The following TGS1 variants were observed in gnomAD, a reference collection of about 807,000 sequenced individuals.
TGS1 encodes the protein trimethylguanosine synthase.
Under a neutral mutation model 92.2 loss-of-function variants are expected in TGS1, and 69 were observed. The ratio of observed to expected loss-of-function variants is 0.75; its 90% CI spans 0.62 to 0.91. The LOEUF (loss-of-function observed/expected upper bound fraction) is 0.91. Ranked by LOEUF, TGS1 falls within the 40% of genes least tolerant of loss-of-function variation. The probability of loss-of-function intolerance (pLI) is 0.00; values close to 1 mark genes in which losing one functional copy is unlikely to be tolerated. For synonymous variants in TGS1, 345 were observed against 338.1 expected (o/e 1.02, Z -0.22); for missense variants, 1,062 against 1,001.2 (o/e 1.06, Z -0.82).
rs1812043946 is a variant in TGS1, at chr8:55,796,159, A to G, written c.1542+7A>G. On this transcript the variant is annotated splice_region_variant and intron_variant, in intron 7 of 12. Coordinates refer to ENST00000260129, the MANE Select transcript of TGS1 (RefSeq NM_024831.8). ...AAGCAAAATTCTGAGTAAGGTATGT[A>G]TAAATTTTGTTGCATATTTGTAGAT... is the stretch of plus-strand genomic sequence containing the variant. 11 of 1,594,366 alleles carry G rather than the reference A, an allele frequency of 6.9e-6. No individual in the cohort carries two copies. Among genetic ancestry groups the G allele is most frequent in the African/African-American group, 1.3e-5 (1 of 74,188 alleles).
At chr8:55,788,837 A>C (rs1055524132) in intron 4 of TGS1, among the ~76,000 whole-genome samples, 1 of 151,956 alleles carries the variant, frequency 6.6e-6, no homozygotes, top group South Asian at 2.1e-4. Context: ...ACATATTTTG[A>C]CCATAAAGTT....
chr8:55,792,643 A>G, intron 5 of TGS1, 55 bp from the exon 6 acceptor site: 1 of 1,242,248 alleles, frequency 8.0e-7, no homozygotes. Context: ...TATTTATCTG[A>G]ACTAGTGGGC....
At chr8:55,785,058 G>GTTTTTTTTTTTT (rs1262385274) in intron 2 of TGS1, among the ~76,000 whole-genome samples, 5 of 143,584 alleles carry the variant, frequency 3.5e-5, no homozygotes, top group African/African-American at 1.1e-4. Flanking sequence ...GGTGTTTTTT[G>GTTTTTTTTTTTT]TTTTTTGTTT....
intron 12 of TGS1, among the ~76,000 whole-genome samples, chr8:55,816,052 C>G (rs1010327235): frequency 1.3e-5 from 2 of 152,016 alleles, no homozygotes; most frequent in Non-Finnish European, 1.5e-5. Context: ...TTCCTGGGCT[C>G]AAGTGATCCT....
In TGS1 at chr8:55,792,739, A is replaced by T; in HGVS notation, c.1322A>T (p.Asp441Val). The T allele has an allele frequency of 1.9e-6, 3 of 1,613,996 alleles. No individual in the cohort carries two copies. Among genetic ancestry groups the T allele is most frequent in the Non-Finnish European group, 2.5e-6 (3 of 1,179,892 alleles). ...DIDENPASDF[D>V]DSGSLLGFKY... ...GATGAAAACCCAGCTTCAGACTTTG[A>T]TGACAGTGGTTCCCTTCTAGGATTC... Residue 441 changes from aspartate to valine, a missense_variant, in exon 6 of 13, where the codon GAT (aspartate) becomes GTT (valine). Asp to Val is a radical substitution (Grantham distance 152, BLOSUM62 -3). Coordinates refer to ENST00000260129, the MANE Select transcript of TGS1 (RefSeq NM_024831.8).
chr8:55,798,505 T>A (rs923529307), intron 7 of TGS1, among the ~76,000 whole-genome samples: 1 of 152,220 alleles, frequency 6.6e-6, no homozygotes, highest in South Asian at 2.1e-4. Context: ...AGATTGTAGC[T>A]TGACCATTGC....
intron 6 of TGS1, 103 bp from the exon 7 acceptor site, chr8:55,795,875 A>G: frequency 3.6e-6 from 3 of 844,414 alleles, no homozygotes; most frequent in South Asian, 3.3e-5. Flanking sequence ...GGGAATTAAA[A>G]TGGTGTAAAA....
At chr8:55,812,767 A>G (rs1228239781) in intron 11 of TGS1, among the ~76,000 whole-genome samples, 2 of 152,054 alleles carry the variant, frequency 1.3e-5, no homozygotes, top group African/African-American at 4.8e-5. Flanking sequence ...GTAGACTGCA[A>G]TGGCCATGGT....
At chr8:55,792,652 G>A in intron 5 of TGS1, 46 bp from the exon 6 acceptor site, 1 of 1,324,924 alleles carries the variant, frequency 7.5e-7, no homozygotes, top group Non-Finnish European at 1.1e-6. Context: ...GAACTAGTGG[G>A]CTCTGGTGGT....
chr8:55,794,876 G>T (rs1811996259), intron 6 of TGS1, among the ~76,000 whole-genome samples: 1 of 152,160 alleles, frequency 6.6e-6, no homozygotes, highest in Admixed American at 6.5e-5. Context: ...TGTTTCATAA[G>T]TTGTGAAATT....
At chr8:55,806,201 C>T (rs1381914997) in intron 10 of TGS1, among the ~76,000 whole-genome samples, 4 of 148,996 alleles carry the variant, frequency 2.7e-5, no homozygotes, top group South Asian at 2.1e-4. Context: ...CCTAAAAATA[C>T]AAAAATTAGC....
At chr8:55,784,101 C>A (rs575960718) in intron 2 of TGS1, among the ~76,000 whole-genome samples, 3 of 152,148 alleles carry the variant, frequency 2.0e-5, no homozygotes, top group Non-Finnish European at 4.4e-5. Flanking sequence ...ATTTACTGTT[C>A]TGTTGCCTGA....
chr8:55,786,545 A>G lies in TGS1; in HGVS notation c.647A>G (p.Glu216Gly), dbSNP rs1420892840. ...GGACTATTGTGGCAAAGTTGGCAAG[A>G]AAAACATCCGGGTCAAGCACTATCT... ...GGGLLWQSWQ[E>G]KHPGQALSSE... Residue 216 changes from glutamate (E) to glycine (G), a missense_variant, in exon 4 of 13, where the codon GAA becomes GGA. By Grantham distance (98) the Glu-to-Gly change is moderately conservative (BLOSUM62 -2). Coordinates refer to ENST00000260129, the MANE Select transcript of TGS1 (RefSeq NM_024831.8). 1 of 1,614,228 alleles carries G rather than the reference A, an allele frequency of 6.2e-7. No homozygotes were observed.
chr8:55,806,989 G>A (rs544132262), intron 10 of TGS1, among the ~76,000 whole-genome samples: 31 of 150,700 alleles, frequency 2.1e-4, no homozygotes, highest in South Asian at 2.1e-4. Context: ...GTGCAGTGGC[G>A]CGGATCTCGG....
intron 10 of TGS1, among the ~76,000 whole-genome samples, chr8:55,809,797 G>T (rs76906806): frequency 6.6e-6 from 1 of 152,170 alleles, no homozygotes; most frequent in South Asian, 2.1e-4. Flanking sequence ...AACAAAGTCT[G>T]CCTCCAAAAG....
chr8:55,775,645 T>G (rs1442173540), intron 1 of TGS1, among the ~76,000 whole-genome samples: 1 of 152,190 alleles, frequency 6.6e-6, no homozygotes, highest in Admixed American at 6.5e-5. Context: ...ATGAGTTTGA[T>G]TTTATACATT....
rs535515257 is a variant in TGS1 at position 55,792,173 on chromosome 8, G to A, written c.1281-525G>A. ...ACCATTTTCCTTTACTTGGAATTAC[G>A]GCCAGGGATGGTCACTGGTTACTAA... On this transcript the variant is annotated intron_variant, in intron 5 of 12. Transcript: ENST00000260129. Among the ~76,000 whole-genome samples, 9 of 152,144 alleles carry A rather than the reference G, an allele frequency of 5.9e-5. No homozygotes were observed. The East Asian group carries it at 1.3e-3, about 23-fold the overall frequency.
Position 55,813,034 on chromosome 8 carries a change from G to A in TGS1, c.2361-6G>A. On this transcript the variant is annotated splice_polypyrimidine_tract_variant and splice_region_variant and intron_variant, in intron 11 of 12. Transcript: ENST00000260129. ...TTTTCATTATTTTTCCTTAACTGCT[G>A]TCCACCTTTGAAATTTTCAGACTTT... 6.3e-7 allele frequency: 1 copy of A among 1,594,876 alleles called. No homozygotes were observed. The highest frequency in any genetic ancestry group is 8.6e-7 in the Non-Finnish European group (1 of 1,164,030).
At chr8:55,814,493 GC>G in intron 12 of TGS1, among the ~76,000 whole-genome samples, 1 of 151,344 alleles carries the variant, frequency 6.6e-6, no homozygotes, top group Non-Finnish European at 1.5e-5. Flanking sequence ...TAAACATTAG[GC>G]CTCCCAAAAT....
Sources: allele counts gnomAD v4.1 joint callset (sites outside exome capture counted in the v4.1 genomes callset), GRCh38; gene constraint gnomAD v4.1.1; transcripts MANE v1.5; gene names NCBI Gene and HGNC (gene_info 2026-07-23, HGNC 2026-07-21).